RPL7: variants seen among roughly 807,000 people sequenced by gnomAD.
RPL7 encodes the protein ribosomal protein L7, also known as large ribosomal subunit protein uL30.
For synonymous variants in RPL7, 100 were observed against 102.2 expected (o/e 0.98, Z 0.13); for missense variants, 205 against 301.9 (o/e 0.68, Z 2.38).
intron 3 of RPL7, 137 bp from the exon 4 acceptor site, chr8:73,292,047 C>A: frequency 7.8e-7 from 1 of 1,279,324 alleles, no homozygotes; most frequent in Non-Finnish European, 1.1e-6. Context: ...TTTCTGTATT[C>A]TATTAAGAGA....
chr8:73,291,514 A>G, intron 5 of RPL7, 38 bp downstream of exon 5: 1 of 1,430,580 alleles, frequency 7.0e-7, no homozygotes, highest in Non-Finnish European at 9.7e-7. Flanking sequence ...AAATTATCGC[A>G]TGGTCTAATA....
Position 73,290,453 on chromosome 8 carries a change from A to T in RPL7, c.*254T>A, listed in dbSNP as rs1183666601. 1 of 152,286 alleles carries T rather than the reference A, an allele frequency of 6.6e-6. No homozygotes were observed. Among genetic ancestry groups the T allele is most frequent in the African/African-American group, 2.4e-5 (1 of 41,450 alleles). 9.4% of individuals were successfully genotyped at this position (152,286 alleles called of 1,614,324 possible). On this transcript the variant is annotated 3_prime_UTR_variant, in exon 7 of 7. Transcript: ENST00000352983. ...GCACAGTTAAAAAACAAAAAATTAAAATCTTTTGTATAGAAAAGCCTTTTA... is the reference window on the plus strand; with the variant it reads ...GCACAGTTAAAAAACAAAAAATTAATATCTTTTGTATAGAAAAGCCTTTTA...
At chr8:73,293,321 G>GA in intron 1 of RPL7, 1 of 467,222 alleles carries the variant, frequency 2.1e-6, no homozygotes, top group South Asian at 2.3e-5. Context: ...CGCCTCCCCC[G>GA]AAAGACCCTC....
Position 73,291,142 on chromosome 8 carries a change from G to C in RPL7, c.649C>G (p.Arg217Gly). Residue 217 changes from arginine to glycine, a missense_variant, in exon 6 of 7, where the codon CGA becomes GGA. Coordinates refer to ENST00000352983, the MANE Select transcript of RPL7 (RefSeq NM_000971.4). ...FLWPFKLSSP[R>G]GGMKKKTTHF... Reference sequence around the variant, plus strand: ...GTGGTCTTTTTCTTCATTCCACCTCGTGGAGAAGACAATTTGAAGGGCCAC... The same window carrying C: ...GTGGTCTTTTTCTTCATTCCACCTCCTGGAGAAGACAATTTGAAGGGCCAC... 1 of 1,606,344 alleles carries C rather than the reference G, an allele frequency of 6.2e-7. No individual in the cohort carries two copies. The highest frequency in any genetic ancestry group is 8.5e-7 in the Non-Finnish European group (1 of 1,173,372).
intron 3 of RPL7, 29 bp from the exon 4 acceptor site, chr8:73,291,939 T>C (rs776969225): frequency 6.2e-7 from 1 of 1,601,056 alleles, no homozygotes; most frequent in Non-Finnish European, 8.6e-7. Flanking sequence ...AGAAATGCAT[T>C]TGCCTTTCAT....
At chr8:73,290,843 G>A (rs953965211) in intron 6 of RPL7, 138 bp from the exon 7 acceptor site, 2 of 565,234 alleles carry the variant, frequency 3.5e-6, no homozygotes, top group Non-Finnish European at 6.4e-6. Context: ...CCCCAAAACA[G>A]GCTTTTCCTT....
At chr8:73,290,797 A>G (rs1814078675) in intron 6 of RPL7, 92 bp from the exon 7 acceptor site, 1 of 462,074 alleles carries the variant, frequency 2.2e-6, no homozygotes, top group Non-Finnish European at 3.9e-6. Context: ...TTGAGTTTAC[A>G]TTTTTAAGAC....
intron 2 of RPL7, 37 bp downstream of exon 2, chr8:73,292,652 C>G: frequency 6.9e-7 from 1 of 1,456,012 alleles, no homozygotes; most frequent in Non-Finnish European, 9.5e-7. Flanking sequence ...CAATAAGGCG[C>G]CTCCTTATGT....
At chr8:73,292,216 G>A (rs964221021) in intron 3 of RPL7, 23 bp downstream of exon 3, 6 of 1,550,606 alleles carry the variant, frequency 3.9e-6, no homozygotes, top group Middle Eastern at 2.0e-4. Flanking sequence ...ATTCAAACCC[G>A]AATGCAGTAA....
At chr8:73,292,008 A>G in intron 3 of RPL7, 98 bp from the exon 4 acceptor site, 9 of 1,419,680 alleles carry the variant, frequency 6.3e-6, no homozygotes, top group African/African-American at 1.4e-5. Flanking sequence ...ACCTAAACAG[A>G]TAGGAATCCT....
Position 73,292,817 on chromosome 8 carries a change from A to G in RPL7, c.15-20T>C. The G allele has an allele frequency of 1.9e-6, 3 of 1,555,708 alleles. No individual in the cohort carries two copies. The highest frequency in any genetic ancestry group is 2.6e-6 in the Non-Finnish European group (3 of 1,134,550). Reference sequence around the variant, plus strand: ...TTCTCTCTAACGTTAATAAACAAAAATGTTATCAATAGCTCAAAAAGCTCA... The same window carrying G: ...TTCTCTCTAACGTTAATAAACAAAAGTGTTATCAATAGCTCAAAAAGCTCA... On this transcript the variant is annotated intron_variant, in intron 1 of 6. Coordinates refer to ENST00000352983, the MANE Select transcript of RPL7 (RefSeq NM_000971.4).
chr8:73,293,615 T>A lies in RPL7; in HGVS notation c.-3A>T. ...GCAACTCACTCTACACCCTCCATGGTTCCAGCCGGAAAAAGAGGAAGTTGG... is the reference window on the plus strand; with the variant it reads ...GCAACTCACTCTACACCCTCCATGGATCCAGCCGGAAAAAGAGGAAGTTGG... On this transcript the variant is annotated 5_prime_UTR_variant, in exon 1 of 7. Transcript: ENST00000352983. 4 of 1,613,804 alleles carry A rather than the reference T, an allele frequency of 2.5e-6. No individual in the cohort carries two copies. Among genetic ancestry groups the A allele is most frequent in the Non-Finnish European group, 3.4e-6 (4 of 1,179,872 alleles).
rs754441231 is a variant in RPL7, at chr8:73,292,737, G to A, written c.75C>T (p.Phe25=). Residue 25 remains phenylalanine, a synonymous_variant, in exon 2 of 7, where the codon TTC becomes TTT. Transcript: ENST00000352983. ...TCAGGCGCTTGATCTTCAGCTCTGCGAAATTCCTTCGCTTTTTCTTAAGGG... is the reference window on the plus strand; with the variant it reads ...TCAGGCGCTTGATCTTCAGCTCTGCAAAATTCCTTCGCTTTTTCTTAAGGG... ...PETLKKKRRN[F]AELKIKRLRK... is the part of the protein sequence containing the mutation. The A allele has an allele frequency of 1.2e-6, 2 of 1,613,768 alleles. No individual in the cohort carries two copies. The highest frequency in any genetic ancestry group is 8.5e-7 in the Non-Finnish European group (1 of 1,179,922).
At chr8:73,293,538 A>T in intron 1 of RPL7, 61 bp downstream of exon 1, 1 of 1,603,936 alleles carries the variant, frequency 6.2e-7, no homozygotes, top group Non-Finnish European at 8.5e-7. Flanking sequence ...AAAAAGTGAC[A>T]CAAAAAGTAT....
chr8:73,292,061 G>A lies in RPL7; in HGVS notation c.291-151C>T, dbSNP rs1814110161. ...ATTTCTGTATTCTATTAAGAGAAGG[G>A]ATAGGAGCTTGGGGAACATGGCTTG... On this transcript the variant is annotated intron_variant, in intron 3 of 6. Transcript: ENST00000352983. The A allele has an allele frequency of 7.4e-6, 9 of 1,223,736 alleles. No homozygotes were observed. The South Asian group carries it at 1.3e-4, about 18-fold the overall frequency. The allele number at this position is 1,223,736 out of a possible 1,614,324, so 75.8% of individuals were successfully genotyped here. A position where few individuals can be genotyped will look rare whatever the true frequency, so the allele number is the denominator to read the frequency against.
chr8:73,292,943 T>C (rs568407727), intron 1 of RPL7, 146 bp from the exon 2 acceptor site: 3 of 559,110 alleles, frequency 5.4e-6, no homozygotes, highest in South Asian at 5.3e-5. Context: ...TGCTACAGTG[T>C]ACGATGCATA....
At chr8:73,290,880 T>A in intron 6 of RPL7, 163 bp downstream of exon 6, 1 of 624,466 alleles carries the variant, frequency 1.6e-6, no homozygotes, top group Admixed American at 3.0e-5. Context: ...TCAAAAGCAG[T>A]AAACAAACCA....
upstream of RPL7, chr8:73,293,935 T>A: frequency 6.5e-6 from 2 of 306,392 alleles, no homozygotes; most frequent in South Asian, 6.2e-5. Context: ...CCCATAATGT[T>A]CCCAGGACGA....
rs150881576 is a variant in RPL7 at position 73,290,834 on chromosome 8, C to G, written c.*2-129G>C. 5.5e-6 allele frequency: 3 copies of G among 547,040 alleles called. No individual in the cohort carries two copies. The African/African-American group carries it at 5.7e-5, about 10-fold the overall frequency. 33.9% of individuals were successfully genotyped at this position (547,040 alleles called of 1,614,324 possible). A position where few individuals can be genotyped will look rare whatever the true frequency, so the allele number is the denominator to read the frequency against. ...ACCCAATTTCCATCTTTAAAGACTC[C>G]CCAAAACAGGCTTTTCCTTTCCTCC... On this transcript the variant is annotated intron_variant, in intron 6 of 6. Coordinates refer to ENST00000352983, the MANE Select transcript of RPL7 (RefSeq NM_000971.4).
Sources: gnomAD v4.1 joint callset for allele counts on GRCh38, gnomAD v4.1.1 for gene constraint, MANE v1.5 for transcripts, NCBI Gene and HGNC (gene_info 2026-07-23, HGNC 2026-07-21) for gene names.